The following IK variants were observed in gnomAD, a reference collection of about 807,000 sequenced individuals.
IK encodes the protein protein Red.
Under a neutral mutation model 90.9 loss-of-function variants are expected in IK, and 47 were observed. The observed-to-expected ratio is 0.52, with a 90% CI of 0.41 to 0.66. The LOEUF (loss-of-function observed/expected upper bound fraction) is 0.66. Ranked by LOEUF, IK falls within the 30% of genes least tolerant of loss-of-function variation. The pLI is 0.00. For synonymous variants in IK, 201 were observed against 227.5 expected (o/e 0.88, Z 1.05); for missense variants, 385 against 709.3 (o/e 0.54, Z 5.19).
chr5:140,659,819 G>T lies in IK; in HGVS notation c.1259G>T (p.Trp420Leu). The stretch of plus-strand genomic sequence containing the variant: ...GAAAAGTTTGCTGGGTCTGCTGGCT[G>T]GGAAGGCACAGAATCATATCCTTTA... ...INEKFAGSAG[W>L]EGTESLKKPE... The change falls in exon 14 of 20, where the codon TGG (tryptophan) becomes TTG (leucine). Residue 420 changes from tryptophan (W) to leucine (L), a missense_variant. Trp to Leu is a moderately conservative substitution (Grantham distance 61). Transcript: ENST00000417647. 6.3e-7 allele frequency: 1 copy of T among 1,596,364 alleles called. No homozygotes were observed. Among genetic ancestry groups the T allele is most frequent in the East Asian group, 2.2e-5 (1 of 44,464 alleles).
intron 5 of IK, among the ~76,000 whole-genome samples, chr5:140,653,668 G>C (rs978996335): frequency 5.0e-5 from 7 of 140,338 alleles, no homozygotes; most frequent in African/African-American, 1.9e-4. Context: ...GCAGTAGCGC[G>C]ATCTCAGCTC....
At position 140,661,236 on chromosome 5, in the gene IK, GTTCTTC is replaced by G. The variant is rs1757798790; in HGVS notation, c.1414-383_1414-378del. The G allele has an allele frequency of 4.0e-6, 1 of 252,162 alleles. No homozygotes were observed. Among genetic ancestry groups the G allele is most frequent in the South Asian group, 8.3e-5 (1 of 12,078 alleles). The allele number at this position is 252,162 out of a possible 1,614,324, so 15.6% of individuals were successfully genotyped here. ...TGCCACTAATAGTGAAGAAGTCTGTGTTCTTCCCCTGAGTTCACTGTATTGAAATAG... is the reference window on the plus strand; with the variant it reads ...TGCCACTAATAGTGAAGAAGTCTGTGCCCTGAGTTCACTGTATTGAAATAG... On this transcript the variant is annotated intron_variant, in intron 16 of 19. Transcript: ENST00000417647. This position sits in a 1 kb window ranked among gnomAD's most constrained non-coding sequence, Gnocchi z 4.2.
At chr5:140,652,030 T>C (rs1757623930) in intron 3 of IK, 58 bp from the exon 4 acceptor site, 1 of 1,343,964 alleles carries the variant, frequency 7.4e-7, no homozygotes, top group Non-Finnish European at 1.1e-6. Context: ...GGAGACTTCT[T>C]GGGGTTTCTG....
In IK at chr5:140,658,897, G is replaced by A. The variant is rs1449271693; in HGVS notation, c.951-42G>A. The A allele has an allele frequency of 1.9e-6, 3 of 1,610,966 alleles. No homozygotes were observed. The South Asian group carries it at 3.3e-5, about 18-fold the overall frequency. On this transcript the variant is annotated intron_variant, in intron 11 of 19. Transcript: ENST00000417647. ...AGAAATGGTCAGGGGGAGTGAAGGT[G>A]TATGTGTGAATTTGGCCAGCTAGTG...
At chr5:140,653,284 T>TTA in intron 5 of IK, 140 bp downstream of exon 5, 13 of 606,544 alleles carry the variant, frequency 2.1e-5, no homozygotes, top group East Asian at 3.1e-5. Context: ...CAAAGGGCTG[T>TTA]TCTTTTTTTT....
At position 140,661,727 on chromosome 5, in the gene IK, T is replaced by C. The variant is rs750873449; in HGVS notation, c.1502+19T>C. On this transcript the variant is annotated intron_variant, in intron 17 of 19. Transcript: ENST00000417647. The surrounding 1 kb of genome is among the most constrained non-coding windows in gnomAD (Gnocchi z 4.2). ...TGCCCAAGTGAGTCGGTACTGAATA[T>C]GGGCAGGGTGTGAGGAGGGGTGTGG... 59 of 1,575,080 alleles carry C rather than the reference T, an allele frequency of 3.7e-5. No individual in the cohort carries two copies. Among genetic ancestry groups the C allele is most frequent in the Admixed American group, 5.3e-5 (3 of 56,780 alleles).
At chr5:140,659,428 C>T in intron 13 of IK, 95 bp downstream of exon 13, 1 of 1,356,172 alleles carries the variant, frequency 7.4e-7, no homozygotes, top group African/African-American at 1.4e-5. Context: ...GGGGGACCTC[C>T]TGGTTCTGGG....
intron 9 of IK, among the ~76,000 whole-genome samples, chr5:140,656,320 G>GT (rs1757708531): frequency 6.6e-6 from 1 of 152,200 alleles, no homozygotes; most frequent in Non-Finnish European, 1.5e-5. Context: ...AGCCTTCCAA[G>GT]TAGCTGGGAC....
In IK at chr5:140,660,142, G is replaced by A; in HGVS notation, c.1302G>A (p.Gln434=). The A allele has an allele frequency of 6.2e-7, 1 of 1,613,786 alleles. No homozygotes were observed. Among genetic ancestry groups the A allele is most frequent in the Non-Finnish European group, 8.5e-7 (1 of 1,179,776 alleles). ...ESLKKPEDKK[Q]LGDFFGMSNS... Reference sequence around the variant, plus strand: ...TGAAGAAGCCAGAAGACAAAAAGCAGCTGGGAGATTTCTTTGGCATGTCCA... The same window carrying A: ...TGAAGAAGCCAGAAGACAAAAAGCAACTGGGAGATTTCTTTGGCATGTCCA... The change falls in exon 15 of 20, where the codon CAG becomes CAA. Residue 434 remains glutamine (Q), a synonymous_variant. Transcript: ENST00000417647.
chr5:140,653,163 G>C lies in IK; in HGVS notation c.404+19G>C. On this transcript the variant is annotated intron_variant, in intron 5 of 19. Coordinates refer to ENST00000417647, the MANE Select transcript of IK (RefSeq NM_006083.4). The stretch of plus-strand genomic sequence containing the variant: ...CTGAGGCGTGAGTACTGAGGGAACA[G>C]GGCATGGTTCCCTCAGCATCCGAGA... 1 of 1,598,300 alleles carries C rather than the reference G, an allele frequency of 6.3e-7. No individual in the cohort carries two copies. The highest frequency in any genetic ancestry group is 8.6e-7 in the Non-Finnish European group (1 of 1,167,002).
chr5:140,662,055 C>CT, intron 18 of IK, 48 bp downstream of exon 18: 3 of 1,565,682 alleles, frequency 1.9e-6, no homozygotes, highest in Non-Finnish European at 2.6e-6. Context: ...TGGGAGAAGA[C>CT]ATTAGCCTGC....
intron 6 of IK, 138 bp downstream of exon 6, chr5:140,654,190 G>C: frequency 1.6e-6 from 1 of 639,660 alleles, no homozygotes; most frequent in Non-Finnish European, 2.8e-6. Flanking sequence ...CTGAAAAGCT[G>C]ATTGCTACTC....
In IK at chr5:140,659,155, A is replaced by G; in HGVS notation, c.1167A>G (p.Val389=). The stretch of plus-strand genomic sequence containing the variant: ...ACAGCTACTTTGAGAAGCCAAAAGT[A>G]GATGATGAGGTGAGATGTGGGCCCT... ...KRHSYFEKPK[V]DDEPMDVDKG... The change falls in exon 12 of 20, where the codon GTA becomes GTG. Residue 389 remains valine, a synonymous_variant. Transcript: ENST00000417647. 1 of 1,589,512 alleles carries G rather than the reference A, an allele frequency of 6.3e-7. No individual in the cohort carries two copies.
At position 140,661,395 on chromosome 5, in the gene IK, C is replaced by G; in HGVS notation, c.1414-225C>G. ...GGAAAATGGAGAGAAATATAGTTCCCTCTTCATAGATTTTATGAGAATTAA... is the reference window on the plus strand; with the variant it reads ...GGAAAATGGAGAGAAATATAGTTCCGTCTTCATAGATTTTATGAGAATTAA... On this transcript the variant is annotated intron_variant, in intron 16 of 19. Coordinates refer to ENST00000417647, the MANE Select transcript of IK (RefSeq NM_006083.4). This position sits in a 1 kb window ranked among gnomAD's most constrained non-coding sequence, Gnocchi z 4.2. The G allele has an allele frequency of 2.0e-6, 1 of 500,496 alleles. No individual in the cohort carries two copies. The highest frequency in any genetic ancestry group is 3.6e-6 in the Non-Finnish European group (1 of 280,790). 31.0% of individuals were successfully genotyped at this position (500,496 alleles called of 1,614,324 possible).
rs767197088 is a variant in IK at position 140,659,862 on chromosome 5, G to A, written c.1274+28G>A. 23 of 1,512,774 alleles carry A rather than the reference G, an allele frequency of 1.5e-5. No homozygotes were observed. In the South Asian group the frequency reaches 2.4e-4, roughly 16 times the overall value. 93.7% of individuals were successfully genotyped at this position (1,512,774 alleles called of 1,614,324 possible). ...ATCCTTTATTTTAATACGTTCCTGGGTTCCAGAGAACTGGTCTCTTTACTC... is the reference window on the plus strand; with the variant it reads ...ATCCTTTATTTTAATACGTTCCTGGATTCCAGAGAACTGGTCTCTTTACTC... On this transcript the variant is annotated intron_variant, in intron 14 of 19. Coordinates refer to ENST00000417647, the MANE Select transcript of IK (RefSeq NM_006083.4).
At chr5:140,650,391 C>G (rs1757594952) in intron 2 of IK, among the ~76,000 whole-genome samples, 1 of 152,012 alleles carries the variant, frequency 6.6e-6, no homozygotes, top group Non-Finnish European at 1.5e-5. Flanking sequence ...AAGGAAGAGC[C>G]CTAGTCAGAA....
At position 140,653,136 on chromosome 5, in the gene IK, T is replaced by A. The variant is rs758526909; in HGVS notation, c.396T>A (p.Thr132=). The A allele has an allele frequency of 6.2e-7, 1 of 1,613,662 alleles. No individual in the cohort carries two copies. Among genetic ancestry groups the A allele is most frequent in the South Asian group, 1.1e-5 (1 of 91,058 alleles). Residue 132 remains threonine, a synonymous_variant, in exon 5 of 20, where the codon ACT becomes ACA. Coordinates refer to ENST00000417647, the MANE Select transcript of IK (RefSeq NM_006083.4). ...TTANYRAVGP[T]AEADKSAAEK... ...CTAACTATAGGGCTGTTGGCCCCAC[T>A]GCTGAGGCGTGAGTACTGAGGGAAC...
At chr5:140,659,250 T>C in intron 12 of IK, 65 bp from the exon 13 acceptor site, 3 of 1,613,292 alleles carry the variant, frequency 1.9e-6, no homozygotes, top group Non-Finnish European at 2.5e-6. Flanking sequence ...TGTTTCAAAC[T>C]TGGGGGAGGG....
chr5:140,657,079 C>T (rs1181551831), intron 9 of IK, among the ~76,000 whole-genome samples: 5 of 152,050 alleles, frequency 3.3e-5, no homozygotes, highest in East Asian at 1.9e-4. Context: ...GGCATGTGCC[C>T]GTAATCCCAG....
Sources: gnomAD v4.1 joint callset for allele counts (sites outside exome capture counted in the v4.1 genomes callset) on GRCh38, gnomAD v4.1.1 for gene constraint, Gnocchi (gnomAD v3.1) non-coding constraint, MANE v1.5 for transcripts, NCBI Gene and HGNC (gene_info 2026-07-23, HGNC 2026-07-21) for gene names.